Variants in MYO10 observed in about 807,000 individuals in gnomAD.
MYO10 encodes unconventional myosin-X.
In MYO10, 133 loss-of-function variants were observed where a neutral mutation model predicts 257.3. The observed-to-expected ratio is 0.52, with a 90% CI of 0.45 to 0.60. The LOEUF is 0.60. Among genes scored for constraint, MYO10 ranks in the 20% least tolerant of loss-of-function variants. The probability of loss-of-function intolerance (pLI) is 0.00; values close to 1 mark genes in which losing one functional copy is unlikely to be tolerated. For synonymous variants in MYO10, 1,104 were observed against 1,028.6 expected (o/e 1.07, Z -1.40); for missense variants, 2,399 against 2,635.7 (o/e 0.91, Z 1.97).
At chr5:16,826,963 A>G (rs959594426) in intron 2 of MYO10, among the ~76,000 whole-genome samples, 7 of 152,176 alleles carry the variant, frequency 4.6e-5, no homozygotes, top group Non-Finnish European at 1.0e-4. Flanking sequence ...CTTAAGCTCC[A>G]TGATTATTTT....
intron 1 of MYO10, among the ~76,000 whole-genome samples, chr5:16,898,393 C>A (rs1013554816): frequency 6.7e-6 from 1 of 150,268 alleles, no homozygotes; most frequent in African/African-American, 2.5e-5. Flanking sequence ...TTTTCCATAC[C>A]CATTCTCAAA....
chr5:16,777,157 G>T (rs1192337653), intron 9 of MYO10, among the ~76,000 whole-genome samples: 1 of 152,134 alleles, frequency 6.6e-6, no homozygotes, highest in Admixed American at 6.6e-5. Context: ...GAAAAACACT[G>T]CATAAAACCC....
intron 1 of MYO10, among the ~76,000 whole-genome samples, chr5:16,927,174 T>G (rs1455880994): frequency 6.6e-6 from 1 of 152,142 alleles, no homozygotes; most frequent in African/African-American, 2.4e-5. Context: ...AATCAACTCT[T>G]CAGTGAAAAA....
intron 1 of MYO10, among the ~76,000 whole-genome samples, chr5:16,888,453 G>T (rs567084025): frequency 7.1e-4 from 108 of 151,882 alleles, no homozygotes; most frequent in Non-Finnish European, 5.3e-4. Context: ...AAATTAGCTG[G>T]GTGTGGTGGT....
intron 1 of MYO10, among the ~76,000 whole-genome samples, chr5:16,927,096 T>G (rs1383971292): frequency 6.6e-6 from 1 of 152,178 alleles, no homozygotes; most frequent in African/African-American, 2.4e-5. Flanking sequence ...AATGTTTAGG[T>G]ATGTGATATG....
At position 16,670,538 on chromosome 5, in the gene MYO10, C is replaced by G; in HGVS notation, c.5871G>C (p.Leu1957=). Residue 1957 remains leucine, a synonymous_variant, in exon 39 of 41, where the codon CTG becomes CTC. Coordinates refer to ENST00000513610, the MANE Select transcript of MYO10 (RefSeq NM_012334.3). ...IKEWPGYGST[L]FDVECKEGGF... is the part of the protein sequence containing the mutation. ...AGCCAGTTCTCACCTCCACATCAAA[C>G]AGCGTCGAGCCATAGCCAGGCCACT... The G allele has an allele frequency of 6.2e-7, 1 of 1,604,984 alleles. No individual in the cohort carries two copies. The highest frequency in any genetic ancestry group is 1.1e-5 in the South Asian group (1 of 89,830).
At chr5:16,880,929 CTT>C (rs1744740207) in intron 1 of MYO10, among the ~76,000 whole-genome samples, 2 of 152,172 alleles carry the variant, frequency 1.3e-5, no homozygotes, top group African/African-American at 4.8e-5. Context: ...TTCGGCCTCT[CTT>C]TAATTCACAT....
intron 19 of MYO10, among the ~76,000 whole-genome samples, chr5:16,724,556 G>A (rs544745985): frequency 6.7e-6 from 1 of 149,944 alleles, no homozygotes; most frequent in African/African-American, 2.5e-5. Flanking sequence ...AACGCAGCTC[G>A]ATACCCAGTT....
intron 8 of MYO10, among the ~76,000 whole-genome samples, chr5:16,779,869 T>C (rs6865207): frequency 0.02 from 3,083 of 152,276 alleles, 114 homozygotes; most frequent in African/African-American, 0.07. Flanking sequence ...GAACAACTGA[T>C]GAGGATCCTG....
chr5:16,665,647 GGTT>G lies in MYO10; in HGVS notation c.*1042_*1044del, dbSNP rs1215681821. On this transcript the variant is annotated 3_prime_UTR_variant, in exon 41 of 41. Transcript: ENST00000513610. ...AGCGTCTCTCCCCCATAGTCAACAT[GGTT>G]ATTATATCTGTAATCTATCCAGAAT... The G allele has an allele frequency of 2.0e-5, 3 of 152,314 alleles. No homozygotes were observed. The highest frequency in any genetic ancestry group is 4.4e-5 in the Non-Finnish European group (3 of 68,028). The allele number at this position is 152,314 out of a possible 1,614,324, so 9.4% of individuals were successfully genotyped here. A position where few individuals can be genotyped will look rare whatever the true frequency, so the allele number is the denominator to read the frequency against.
intron 3 of MYO10, among the ~76,000 whole-genome samples, chr5:16,805,463 A>AAG (rs1742246120): frequency 6.7e-6 from 1 of 149,980 alleles, no homozygotes; most frequent in Admixed American, 6.6e-5. Flanking sequence ...CATCTCAAAA[A>AAG]AAAAAAAAAA....
intron 3 of MYO10, among the ~76,000 whole-genome samples, chr5:16,802,258 G>A (rs1307911734): frequency 6.6e-6 from 1 of 152,090 alleles, no homozygotes; most frequent in African/African-American, 2.4e-5. Context: ...ATTGCTGCAG[G>A]GTAACGTAAA....
rs1448707882 is a variant in MYO10 at position 16,699,501 on chromosome 5, C to G, written c.3505G>C (p.Val1169Leu). 4 of 1,613,798 alleles carry G rather than the reference C, an allele frequency of 2.5e-6. No individual in the cohort carries two copies. Among genetic ancestry groups the G allele is most frequent in the Non-Finnish European group, 3.4e-6 (4 of 1,179,846 alleles). The change falls in exon 26 of 41, where the codon GTG becomes CTG. Residue 1169 changes from valine (V) to leucine (L), a missense_variant. Physicochemically the swap from Val to Leu is conservative, Grantham distance 32. Transcript: ENST00000513610. ...TACGGCAGAGTGACACAGCTGTACA[C>G]AGAGTCACGCCGGTATGAAAGCTCA... ...DDELSYRRDSVYSCVTLPYFH... is the reference protein window; with the variant it reads ...DDELSYRRDSLYSCVTLPYFH...
chr5:16,933,775 G>T (rs1255993757), intron 1 of MYO10, among the ~76,000 whole-genome samples: 1 of 152,176 alleles, frequency 6.6e-6, no homozygotes, highest in Non-Finnish European at 1.5e-5. Flanking sequence ...TAACCTCTCT[G>T]ACTGGCCCTG....
chr5:16,675,292 G>T, intron 34 of MYO10, 142 bp from the exon 35 acceptor site: 1 of 797,850 alleles, frequency 1.3e-6, no homozygotes, highest in Non-Finnish European at 2.0e-6. Flanking sequence ...ATCTCAATCA[G>T]TTGAACACAG....
intron 1 of MYO10, among the ~76,000 whole-genome samples, chr5:16,891,230 G>A (rs1049932978): frequency 6.6e-6 from 1 of 151,792 alleles, no homozygotes; most frequent in South Asian, 2.1e-4. Flanking sequence ...AGGAGGCAGA[G>A]GTTGCAGGAA....
intron 2 of MYO10, 108 bp from the exon 3 acceptor site, chr5:16,818,275 T>C (rs1742687060): frequency 2.0e-6 from 2 of 1,009,654 alleles, no homozygotes; most frequent in Non-Finnish European, 2.8e-6. Flanking sequence ...AGGAAAAAGA[T>C]TCTAAATTGG....
At chr5:16,716,195 T>C (rs1738863771) in intron 19 of MYO10, among the ~76,000 whole-genome samples, 1 of 152,126 alleles carries the variant, frequency 6.6e-6, no homozygotes, top group African/African-American at 2.4e-5. Flanking sequence ...GATAATTTAA[T>C]CCTACCAAAA....
intron 10 of MYO10, among the ~76,000 whole-genome samples, chr5:16,768,487 C>G (rs931492285): frequency 3.9e-5 from 6 of 151,978 alleles, no homozygotes; most frequent in African/African-American, 1.4e-4. Context: ...TTCCTGGTTG[C>G]TCATATTTCC....
Sources: allele counts gnomAD v4.1 joint callset (sites outside exome capture counted in the v4.1 genomes callset), GRCh38; gene constraint gnomAD v4.1.1; transcripts MANE v1.5; gene names NCBI Gene and HGNC (gene_info 2026-07-23, HGNC 2026-07-21).